The following ATRNL1 variants were observed in gnomAD, a reference collection of about 807,000 sequenced individuals.
ATRNL1 encodes the protein attractin-like protein 1.
In ATRNL1, 95 loss-of-function variants were observed where a neutral mutation model predicts 182.7. That is an observed-to-expected ratio of 0.52 (90% confidence interval 0.44 to 0.62). ATRNL1 has a LOEUF of 0.62. Among genes scored for constraint, ATRNL1 ranks in the 20% least tolerant of loss-of-function variants. ATRNL1 has a pLI of 0.00. For synonymous variants in ATRNL1, 576 were observed against 568.3 expected (o/e 1.01, Z -0.19); for missense variants, 1,471 against 1,679.5 (o/e 0.88, Z 2.17).
intron 7 of ATRNL1, among the ~76,000 whole-genome samples, chr10:115,169,206 CT>C (rs781950574): frequency 0.03 from 3,716 of 125,922 alleles, 96 homozygotes; most frequent in African/African-American, 0.096. Flanking sequence ...GTTTTGATTA[CT>C]TTTTTTTTTT....
chr10:115,576,165 C>T (rs1252396910), intron 26 of ATRNL1, among the ~76,000 whole-genome samples: 1 of 152,012 alleles, frequency 6.6e-6, no homozygotes, highest in Non-Finnish European at 1.5e-5. Context: ...GTTTCCATAT[C>T]CTGGCTATTG....
chr10:115,156,294 C>A (rs1203233521), intron 5 of ATRNL1, among the ~76,000 whole-genome samples: 1 of 152,092 alleles, frequency 6.6e-6, no homozygotes, highest in Non-Finnish European at 1.5e-5. Flanking sequence ...TTAAGAATGG[C>A]ACCAAAGTTT....
rs782462907 is a variant in ATRNL1, at chr10:115,462,007, C to T, written c.3389C>T (p.Ala1130Val). The T allele has an allele frequency of 6.2e-7, 1 of 1,609,534 alleles. No homozygotes were observed. Among genetic ancestry groups the T allele is most frequent in the Non-Finnish European group, 8.5e-7 (1 of 1,177,544 alleles). ...LLQEDDRHHTAINFIANPEQS... is the reference protein window; with the variant it reads ...LLQEDDRHHTVINFIANPEQS... ...CAGGAAGATGATCGCCACCATACTGCCATAAACTTTATAGCAAACCCAGAA... is the reference window on the plus strand; with the variant it reads ...CAGGAAGATGATCGCCACCATACTGTCATAAACTTTATAGCAAACCCAGAA... The change falls in exon 22 of 29, where the codon GCC becomes GTC. Residue 1130 changes from alanine to valine, a missense_variant. Around this residue, in one of 3 missense-constraint regions of ATRNL1, gnomAD observed 437 missense variants for 506.0 expected, o/e 0.86. Coordinates refer to ENST00000355044, the MANE Select transcript of ATRNL1 (RefSeq NM_207303.4).
intron 26 of ATRNL1, among the ~76,000 whole-genome samples, chr10:115,661,160 TA>T (rs1326247932): frequency 2.0e-5 from 3 of 152,102 alleles, no homozygotes; most frequent in African/African-American, 4.8e-5. Flanking sequence ...GAAAAAGGAA[TA>T]ATAGCTTGCT....
At chr10:115,794,113 T>C (rs182138626) in intron 27 of ATRNL1, among the ~76,000 whole-genome samples, 3 of 152,308 alleles carry the variant, frequency 2.0e-5, no homozygotes, top group African/African-American at 7.2e-5. Context: ...GTCGGACTAT[T>C]TGGATTTGGG....
At chr10:115,663,190 T>G (rs1860798385) in intron 26 of ATRNL1, among the ~76,000 whole-genome samples, 1 of 152,104 alleles carries the variant, frequency 6.6e-6, no homozygotes, top group Non-Finnish European at 1.5e-5. Context: ...TTATTTCCAC[T>G]TATCCAGTGA....
chr10:115,827,505 G>A (rs1222800329), intron 27 of ATRNL1, among the ~76,000 whole-genome samples: 1 of 152,128 alleles, frequency 6.6e-6, no homozygotes, highest in African/African-American at 2.4e-5. Context: ...ATCCCTTTGA[G>A]GTCACAGGCA....
intron 19 of ATRNL1, among the ~76,000 whole-genome samples, chr10:115,392,907 TA>T (rs1554954670): frequency 1.9e-4 from 29 of 152,188 alleles, no homozygotes. Context: ...TCAGTGTTAG[TA>T]CAAATATTTC....
chr10:115,587,099 C>T (rs1224823705), intron 26 of ATRNL1, among the ~76,000 whole-genome samples: 1 of 149,242 alleles, frequency 6.7e-6, no homozygotes. Flanking sequence ...CTTGAGGAGG[C>T]AGTCTGCCCG....
At chr10:115,409,898 C>G (rs1017729755) in intron 20 of ATRNL1, among the ~76,000 whole-genome samples, 2 of 152,152 alleles carry the variant, frequency 1.3e-5, no homozygotes, top group Admixed American at 6.5e-5. Context: ...TACTTTCCTT[C>G]TATACCTAAT....
chr10:115,894,312 C>G (rs1388687840), intron 28 of ATRNL1, among the ~76,000 whole-genome samples: 14 of 152,174 alleles, frequency 9.2e-5, no homozygotes, highest in African/African-American at 3.4e-4. Context: ...TTCCTAATTC[C>G]TGAGCATTGG....
At chr10:115,178,775 G>A (rs1235124046) in intron 8 of ATRNL1, among the ~76,000 whole-genome samples, 2 of 152,134 alleles carry the variant, frequency 1.3e-5, no homozygotes, top group Non-Finnish European at 2.9e-5. Context: ...TAGCAAACAA[G>A]GCACCATCTG....
At chr10:115,321,532 T>G (rs1854583723) in intron 18 of ATRNL1, among the ~76,000 whole-genome samples, 1 of 152,172 alleles carries the variant, frequency 6.6e-6, no homozygotes, top group Non-Finnish European at 1.5e-5. Context: ...TTTTATACTT[T>G]CATTTGTTTT....
chr10:115,807,010 T>C (rs1555085770), intron 27 of ATRNL1, among the ~76,000 whole-genome samples: 1 of 152,164 alleles, frequency 6.6e-6, no homozygotes, highest in Non-Finnish European at 1.5e-5. Flanking sequence ...AAATTTAAGT[T>C]TTTAAAATAT....
chr10:115,576,137 T>C (rs1260162943), intron 26 of ATRNL1, among the ~76,000 whole-genome samples: 1 of 152,088 alleles, frequency 6.6e-6, no homozygotes, highest in East Asian at 1.9e-4. Context: ...CATTCATGCG[T>C]TGATGGACAC....
chr10:115,102,589 A>G (rs929324257), intron 1 of ATRNL1, among the ~76,000 whole-genome samples: 2 of 152,038 alleles, frequency 1.3e-5, no homozygotes, highest in African/African-American at 4.8e-5. Flanking sequence ...GATTACAAGC[A>G]TGTGCCACCT....
chr10:115,160,635 A>G (rs1301418648), intron 6 of ATRNL1, among the ~76,000 whole-genome samples: 3 of 151,800 alleles, frequency 2.0e-5, no homozygotes, highest in African/African-American at 7.3e-5. Context: ...ACAAACTTTC[A>G]TTGGGAGAAC....
chr10:115,226,426 A>G (rs1849699519), intron 9 of ATRNL1, among the ~76,000 whole-genome samples: 1 of 152,080 alleles, frequency 6.6e-6, no homozygotes, highest in South Asian at 2.1e-4. Flanking sequence ...TATGTCTAAA[A>G]AGTCAGTAAG....
intron 25 of ATRNL1, among the ~76,000 whole-genome samples, chr10:115,521,476 A>T (rs1231332863): frequency 1.3e-5 from 2 of 152,304 alleles, no homozygotes; most frequent in South Asian, 4.1e-4. Context: ...TTGATGCAGA[A>T]TAGTCTGGAA....
Sources: allele counts gnomAD v4.1 joint callset (sites outside exome capture counted in the v4.1 genomes callset), GRCh38; gene constraint gnomAD v4.1.1; regional missense constraint gnomAD v4.1.1; transcripts MANE v1.5; gene names NCBI Gene and HGNC (gene_info 2026-07-23, HGNC 2026-07-21).